Variants in ABLIM1 observed in about 807,000 individuals in gnomAD.
ABLIM1 encodes actin-binding LIM protein 1.
Under a neutral mutation model 107.0 loss-of-function variants are expected in ABLIM1, and 40 were observed. That is an observed-to-expected ratio of 0.37 (90% CI 0.29 to 0.49). The LOEUF (loss-of-function observed/expected upper bound fraction) is 0.49, where lower values mean the gene tolerates loss of function less well. Ranked by LOEUF, ABLIM1 falls within the 20% of genes least tolerant of loss-of-function variation. The pLI, the probability that ABLIM1 is intolerant of heterozygous loss-of-function variation, is 0.97. For missense variants in ABLIM1, 857 were observed against 1,008.5 expected (o/e 0.85, Z 2.04); for synonymous variants, 357 against 357.3 (o/e 1.00, Z 0.01).
chr10:114,628,921 G>A (rs537130038), intron 1 of ABLIM1, among the ~76,000 whole-genome samples: 8 of 152,256 alleles, frequency 5.3e-5, no homozygotes, highest in East Asian at 1.9e-4. Context: ...GTTGACGAGC[G>A]TGTATTTAGG....
At chr10:114,460,975 A>G (rs1365951432) in intron 12 of ABLIM1, among the ~76,000 whole-genome samples, 1 of 152,258 alleles carries the variant, frequency 6.6e-6, no homozygotes, top group African/African-American at 2.4e-5. Flanking sequence ...GTTAAAACAT[A>G]TAATAGCCAA....
chr10:114,620,971 C>T (rs1410105613), intron 1 of ABLIM1, among the ~76,000 whole-genome samples: 2 of 152,168 alleles, frequency 1.3e-5, no homozygotes, highest in Non-Finnish European at 2.9e-5. Context: ...GACCCCAGTT[C>T]TAATCATCCT....
chr10:114,547,838 C>A (rs910138133), intron 4 of ABLIM1, 62 bp from the exon 5 acceptor site: 2 of 1,579,450 alleles, frequency 1.3e-6, no homozygotes, highest in East Asian at 2.3e-5. Flanking sequence ...AAGCAGGCAG[C>A]CCAATTTCAA....
intron 4 of ABLIM1, among the ~76,000 whole-genome samples, chr10:114,554,576 G>A (rs2068487301): frequency 1.3e-5 from 2 of 152,150 alleles, no homozygotes; most frequent in South Asian, 4.1e-4. Flanking sequence ...AGGACTGCAA[G>A]TCCTAGCTAC....
upstream of ABLIM1, among the ~76,000 whole-genome samples, chr10:114,687,526 T>C (rs2080970825): frequency 2.6e-5 from 4 of 152,342 alleles, no homozygotes; most frequent in South Asian, 8.3e-4. Context: ...GTATGACCGA[T>C]AGTGATGCTG....
intron 8 of ABLIM1, 25 bp from the exon 9 acceptor site, chr10:114,473,981 A>C: frequency 6.3e-7 from 1 of 1,579,690 alleles, no homozygotes; most frequent in Non-Finnish European, 8.7e-7. Flanking sequence ...GTGACTTGTA[A>C]GACTTCGGAC....
At chr10:114,789,447 C>A in the ABLIM1 span, among the ~76,000 whole-genome samples, 1 of 152,096 alleles carries the variant, frequency 6.6e-6, no homozygotes, top group Non-Finnish European at 1.5e-5. Context: ...TTCCCATTGA[C>A]ATCAAAATCT....
intron 1 of ABLIM1, among the ~76,000 whole-genome samples, chr10:114,692,081 C>T (rs889430413): frequency 2.6e-5 from 4 of 152,260 alleles, no homozygotes; most frequent in Middle Eastern, 3.4e-3. Context: ...AGAAAATATG[C>T]CATATTCTAC....
the ABLIM1 span, among the ~76,000 whole-genome samples, chr10:114,786,817 A>G: frequency 6.6e-6 from 1 of 152,186 alleles, no homozygotes; most frequent in African/African-American, 2.4e-5. Context: ...CCCAGGCTGG[A>G]GTGCAGTGGC....
intron 1 of ABLIM1, among the ~76,000 whole-genome samples, chr10:114,716,410 A>AAAACACACACACACACAC (rs541504016): frequency 7.0e-6 from 1 of 143,534 alleles, no homozygotes; most frequent in African/African-American, 2.6e-5. Flanking sequence ...GGTAGAGAGA[A>AAAACACACACACACACAC]ACACACACAC....
chr10:114,591,328 T>A (rs1001812236), intron 2 of ABLIM1, among the ~76,000 whole-genome samples: 5 of 152,124 alleles, frequency 3.3e-5, no homozygotes, highest in African/African-American at 9.7e-5. Context: ...TTCCTTAATT[T>A]AAAAAAATCA....
intron 6 of ABLIM1, among the ~76,000 whole-genome samples, chr10:114,495,567 G>A (rs2059559285): frequency 6.6e-6 from 1 of 152,080 alleles, no homozygotes. Context: ...CAATGATGGT[G>A]ATGATGATGG....
At chr10:114,717,709 G>A (rs2081704362) in intron 1 of ABLIM1, among the ~76,000 whole-genome samples, 1 of 152,010 alleles carries the variant, frequency 6.6e-6, no homozygotes, top group Non-Finnish European at 1.5e-5. Flanking sequence ...GAGCCCAGGA[G>A]TTCAAGATCA....
At chr10:114,578,513 T>A (rs1244166152) in intron 2 of ABLIM1, among the ~76,000 whole-genome samples, 1 of 151,894 alleles carries the variant, frequency 6.6e-6, no homozygotes, top group Non-Finnish European at 1.5e-5. Flanking sequence ...TTCAAGCGAT[T>A]CTCCTGCCTC....
At position 114,565,788 on chromosome 10, in the gene ABLIM1, C is replaced by CTTTTTTTTTTTT. The variant is rs577896964; in HGVS notation, c.673+5497_673+5508dup. 2.0e-4 allele frequency among the ~76,000 whole-genome samples: 20 copies of CTTTTTTTTTTTT among 101,082 alleles called. 1 individual carries two copies. The highest frequency in any genetic ancestry group is 2.9e-4 in the Non-Finnish European group (15 of 51,094). The allele number at this position is 101,082 out of a possible 152,430, so 66.3% of individuals were successfully genotyped here. ...CGCGATGCTTTATCTGAAATGATTT[C>CTTTTTTTTTTTT]TTTTTTTTTTTTTTTTTTTTTTTTG... On this transcript the variant is annotated intron_variant, in intron 4 of 22. Transcript: ENST00000533213.
intron 3 of ABLIM1, among the ~76,000 whole-genome samples, chr10:114,573,471 T>C (rs2072006904): frequency 6.6e-6 from 1 of 152,188 alleles, no homozygotes; most frequent in Non-Finnish European, 1.5e-5. Flanking sequence ...AGGGCCATAG[T>C]TAATAAATCG....
chr10:114,783,103 G>A, the ABLIM1 span, among the ~76,000 whole-genome samples: 1 of 152,038 alleles, frequency 6.6e-6, no homozygotes, highest in East Asian at 1.9e-4. Flanking sequence ...CCAACATAGT[G>A]AAACCCTGTC....
At chr10:114,596,014 C>T (rs1036981593) in intron 2 of ABLIM1, among the ~76,000 whole-genome samples, 3 of 152,186 alleles carry the variant, frequency 2.0e-5, no homozygotes, top group African/African-American at 7.2e-5. Flanking sequence ...CTGCAAGGTG[C>T]TTCTATATTT....
intron 12 of ABLIM1, among the ~76,000 whole-genome samples, chr10:114,464,331 G>A (rs533148250): frequency 3.9e-5 from 6 of 152,052 alleles, no homozygotes; most frequent in South Asian, 2.1e-4. Context: ...GACTACAGGC[G>A]CATGCCACCA....
Sources: gnomAD v4.1 joint callset for allele counts (sites outside exome capture counted in the v4.1 genomes callset) on GRCh38, gnomAD v4.1.1 for gene constraint, MANE v1.5 for transcripts, NCBI Gene and HGNC (gene_info 2026-07-23, HGNC 2026-07-21) for gene names.